Variants in C1orf21 observed in about 807,000 individuals in gnomAD.
C1orf21 encodes the protein chromosome 1 open reading frame 21, also known as uncharacterized protein C1orf21.
Under a neutral mutation model 18.7 loss-of-function variants are expected in C1orf21, and 3 were observed. That is an observed-to-expected ratio of 0.16 (90% CI 0.07 to 0.42). The LOEUF (loss-of-function observed/expected upper bound fraction) is 0.42. Among genes scored for constraint, C1orf21 ranks in the 10% least tolerant of loss-of-function variants. The probability of loss-of-function intolerance (pLI) is 0.99; values close to 1 mark genes in which losing one functional copy is unlikely to be tolerated. For synonymous variants in C1orf21, 41 were observed against 46.4 expected, an observed-to-expected ratio of 0.88 and a Z score of 0.47; for missense variants, 104 against 143.6, an observed-to-expected ratio of 0.72 and a Z score of 1.41.
At chr1:184,490,594 A>G (rs191278400) in intron 2 of C1orf21, among the ~76,000 whole-genome samples, 1 of 152,326 alleles carries the variant, frequency 6.6e-6, no homozygotes, top group Non-Finnish European at 1.5e-5. Flanking sequence ...AGTCTTAAAT[A>G]TTTGAAAATT....
At chr1:184,399,721 A>G (rs1656119256) in intron 1 of C1orf21, among the ~76,000 whole-genome samples, 1 of 152,174 alleles carries the variant, frequency 6.6e-6, no homozygotes, top group South Asian at 2.1e-4. Flanking sequence ...TCTTTTGTGA[A>G]GTTAAGTCTA....
intron 1 of C1orf21, among the ~76,000 whole-genome samples, chr1:184,400,913 C>G (rs1656140840): frequency 2.6e-5 from 4 of 152,154 alleles, no homozygotes; most frequent in African/African-American, 7.2e-5. Flanking sequence ...CTAGACATTA[C>G]CAAATTCCCT....
chr1:184,466,369 A>T (rs1316338301), intron 1 of C1orf21, among the ~76,000 whole-genome samples: 1 of 152,236 alleles, frequency 6.6e-6, no homozygotes, highest in Non-Finnish European at 1.5e-5. Context: ...ATACTGGTAC[A>T]TGAGAAGGGA....
intron 3 of C1orf21, among the ~76,000 whole-genome samples, chr1:184,538,042 T>G (rs1178053640): frequency 6.6e-6 from 1 of 152,204 alleles, no homozygotes; most frequent in Non-Finnish European, 1.5e-5. Flanking sequence ...CTGCCAGAAC[T>G]GTTTTCCACA....
chr1:184,418,110 G>A (rs556864809), intron 1 of C1orf21, among the ~76,000 whole-genome samples: 1 of 152,276 alleles, frequency 6.6e-6, no homozygotes, highest in Non-Finnish European at 1.5e-5. Flanking sequence ...TGACCCTTCT[G>A]GAAACTTTTG....
chr1:184,472,066 G>T (rs577062934), intron 1 of C1orf21, among the ~76,000 whole-genome samples: 1 of 152,012 alleles, frequency 6.6e-6, no homozygotes, highest in Admixed American at 6.5e-5. Context: ...CCCCTCGGTG[G>T]GCTGCTGTAT....
chr1:184,569,539 T>C (rs1402143690), intron 3 of C1orf21, among the ~76,000 whole-genome samples: 1 of 152,182 alleles, frequency 6.6e-6, no homozygotes, highest in Non-Finnish European at 1.5e-5. Flanking sequence ...AATAGACAAC[T>C]ACTTAATTTG....
At chr1:184,557,518 G>T (rs1488567398) in intron 3 of C1orf21, among the ~76,000 whole-genome samples, 2 of 152,106 alleles carry the variant, frequency 1.3e-5, no homozygotes, top group East Asian at 3.9e-4. Context: ...TTGTATTCTT[G>T]AGTTACTTCA....
Position 184,463,816 on chromosome 1 carries a change from T to C in C1orf21, c.-124-13570T>C, listed in dbSNP as rs536507203. Among the ~76,000 whole-genome samples the C allele has an allele frequency of 4.6e-5, 7 of 152,318 alleles. No homozygotes were observed. In the East Asian group the frequency reaches 1.2e-3, roughly 25 times the overall value. ...AATAACTGCAGACAATTATGACATGTAGCAACATGGATAGGTGAGGAATGG... is the reference window on the plus strand; with the variant it reads ...AATAACTGCAGACAATTATGACATGCAGCAACATGGATAGGTGAGGAATGG... On this transcript the variant is annotated intron_variant, in intron 1 of 5. Coordinates refer to ENST00000235307, the MANE Select transcript of C1orf21 (RefSeq NM_030806.4).
chr1:184,422,611 C>T lies in C1orf21; in HGVS notation c.-125+35243C>T, dbSNP rs1016832353. On this transcript the variant is annotated intron_variant, in intron 1 of 5. Transcript: ENST00000235307. ...ACCACTCCACTAGAACCTTGCTAGG[C>T]GGCAGTTTATTTGTAAAGCCTTGTG... 2.6e-5 allele frequency among the ~76,000 whole-genome samples: 4 copies of T among 152,106 alleles called. No individual in the cohort carries two copies. In the East Asian group the frequency reaches 5.8e-4, roughly 22 times the overall value.
At chr1:184,579,046 C>CT (rs71101936) in intron 3 of C1orf21, among the ~76,000 whole-genome samples, 9,854 of 131,218 alleles carry the variant, frequency 0.075, 408 homozygotes, top group Non-Finnish European at 0.094. Flanking sequence ...CTTTAAAGTT[C>CT]TTTTTTTTTT....
chr1:184,472,111 A>T (rs1198855311), intron 1 of C1orf21, among the ~76,000 whole-genome samples: 2 of 152,170 alleles, frequency 1.3e-5, no homozygotes, highest in African/African-American at 2.4e-5. Context: ...GCAGATGGGC[A>T]AACAGACTGA....
Position 184,474,324 on chromosome 1 carries a change from G to C in C1orf21, c.-124-3062G>C, listed in dbSNP as rs181619940. ...ATTGAAATTTCTTGAGTCATCATTT[G>C]AATTGGGTGTAAATCATGTCTAATC... On this transcript the variant is annotated intron_variant, in intron 1 of 5. Coordinates refer to ENST00000235307, the MANE Select transcript of C1orf21 (RefSeq NM_030806.4). Among the ~76,000 whole-genome samples, 376 of 152,132 alleles carry C rather than the reference G, an allele frequency of 2.5e-3. 4 individuals carry two copies. The highest frequency in any genetic ancestry group is 8.7e-3 in the African/African-American group (360 of 41,496).
At chr1:184,484,056 T>G (rs1657696805) in intron 2 of C1orf21, among the ~76,000 whole-genome samples, 1 of 152,116 alleles carries the variant, frequency 6.6e-6, no homozygotes. Flanking sequence ...CCCAAGTAGC[T>G]GGGATTACAG....
chr1:184,500,285 T>G (rs1657956609), intron 2 of C1orf21, among the ~76,000 whole-genome samples: 1 of 152,184 alleles, frequency 6.6e-6, no homozygotes, highest in Admixed American at 6.5e-5. Context: ...TAATAGTTCC[T>G]TGGTCACTGA....
intron 1 of C1orf21, among the ~76,000 whole-genome samples, chr1:184,397,767 A>G (rs1459693436): frequency 6.6e-6 from 1 of 152,150 alleles, no homozygotes; most frequent in Non-Finnish European, 1.5e-5. Flanking sequence ...ATGGTTTGGG[A>G]TGATGTTGAA....
intron 1 of C1orf21, among the ~76,000 whole-genome samples, chr1:184,417,140 G>C (rs1485028779): frequency 6.6e-6 from 1 of 152,198 alleles, no homozygotes; most frequent in African/African-American, 2.4e-5. Context: ...AGTCGAAAGA[G>C]CAGTGCTTGA....
chr1:184,418,679 T>G (rs1656498765), intron 1 of C1orf21, among the ~76,000 whole-genome samples: 1 of 152,226 alleles, frequency 6.6e-6, no homozygotes, highest in Admixed American at 6.5e-5. Flanking sequence ...TTTTGTGGAT[T>G]CATTAATTTT....
chr1:184,563,878 A>C (rs941635056), intron 3 of C1orf21, among the ~76,000 whole-genome samples: 2 of 152,242 alleles, frequency 1.3e-5, no homozygotes, highest in African/African-American at 4.8e-5. Context: ...GGTGAATTTT[A>C]GGAACACAGT....
Sources: gnomAD v4.1 joint callset for allele counts (sites outside exome capture counted in the v4.1 genomes callset) on GRCh38, gnomAD v4.1.1 for gene constraint, MANE v1.5 for transcripts, NCBI Gene and HGNC (gene_info 2026-07-23, HGNC 2026-07-21) for gene names.